Variants in PDE8B observed in about 807,000 individuals in gnomAD.
PDE8B encodes high affinity cAMP-specific and IBMX-insensitive 3',5'-cyclic phosphodiesterase 8B.
Under a neutral mutation model 101.3 loss-of-function variants are expected in PDE8B, and 26 were observed. That is an observed-to-expected ratio of 0.26 (90% CI 0.19 to 0.36). PDE8B has a LOEUF of 0.36. PDE8B is among the 10% of genes least tolerant of loss of function. PDE8B has a pLI of 1.00. For missense variants in PDE8B, 810 were observed against 1,163.1 expected, an observed-to-expected ratio of 0.70 and a Z score of 4.42; for synonymous variants, 424 against 429.3, an observed-to-expected ratio of 0.99 and a Z score of 0.15.
chr5:77,140,397 G>T, the PDE8B span: 1 of 152,088 alleles, frequency 6.6e-6, no homozygotes, highest in African/African-American at 2.4e-5. Context: ...GCCTGCAAGG[G>T]TGTTAAAATC....
rs184104350 is a variant in PDE8B at position 77,325,370 on chromosome 5, A to G, written c.400-169A>G. The stretch of plus-strand genomic sequence containing the variant: ...TTTTTTGTAGAGGCAGAGTTTTGCC[A>G]TGTTGCCCTGGCTGGTCTTGAACAC... On this transcript the variant is annotated intron_variant, in intron 2 of 21. Transcript: ENST00000264917. Among the ~76,000 whole-genome samples, 355 of 152,186 alleles carry G rather than the reference A, an allele frequency of 2.3e-3. 4 individuals are homozygous for G. Among genetic ancestry groups the G allele is most frequent in the Middle Eastern group, 0.014 (4 of 294 alleles).
intron 10 of PDE8B, among the ~76,000 whole-genome samples, chr5:77,393,194 G>A (rs1403364542): frequency 2.6e-5 from 4 of 152,136 alleles, no homozygotes; most frequent in Non-Finnish European, 5.9e-5. Flanking sequence ...AGGAGTTGGA[G>A]ACTAGCTTGG....
chr5:77,216,943 A>G (rs1250650160), intron 1 of PDE8B, among the ~76,000 whole-genome samples: 2 of 152,204 alleles, frequency 1.3e-5, no homozygotes, highest in Admixed American at 1.3e-4. Flanking sequence ...GTTCAGTGTC[A>G]CTGGAGCTAC....
chr5:77,388,504 G>A (rs1462678056), intron 10 of PDE8B, among the ~76,000 whole-genome samples: 2 of 152,328 alleles, frequency 1.3e-5, no homozygotes, highest in East Asian at 1.9e-4. Context: ...TGAGGTGTCT[G>A]TCGGCCCCTA....
intron 1 of PDE8B, among the ~76,000 whole-genome samples, chr5:77,266,026 T>C (rs1761642647): frequency 6.6e-6 from 1 of 152,216 alleles, no homozygotes; most frequent in African/African-American, 2.4e-5. Context: ...AAAGGGGTGC[T>C]CACCCTAGCA....
At chr5:77,137,867 T>A in the PDE8B span, among the ~76,000 whole-genome samples, 1 of 151,960 alleles carries the variant, frequency 6.6e-6, no homozygotes, top group African/African-American at 2.4e-5. Context: ...GACTTCAAAG[T>A]CTGAGAAAGG....
At chr5:77,404,527 TTTAAC>T (rs1308758990) in intron 11 of PDE8B, among the ~76,000 whole-genome samples, 188 bp from the exon 12 acceptor site, 1 of 152,240 alleles carries the variant, frequency 6.6e-6, no homozygotes, top group Non-Finnish European at 1.5e-5. Context: ...AAAACCATCA[TTTAAC>T]TAATATGACT....
At chr5:77,134,838 C>T in the PDE8B span, among the ~76,000 whole-genome samples, 1 of 152,202 alleles carries the variant, frequency 6.6e-6, no homozygotes, top group African/African-American at 2.4e-5. Flanking sequence ...TATAGTTCCT[C>T]CCATTAACTT....
chr5:77,307,631 G>A (rs1011458038), intron 1 of PDE8B, among the ~76,000 whole-genome samples: 2 of 151,928 alleles, frequency 1.3e-5, no homozygotes, highest in Non-Finnish European at 2.9e-5. Flanking sequence ...GTGGATTGGT[G>A]ACCCTGCTTC....
At chr5:77,147,196 C>T in the PDE8B span, 1 of 318,364 alleles carries the variant, frequency 3.1e-6, no homozygotes, top group East Asian at 7.8e-5. Flanking sequence ...TTTTTCTTGT[C>T]TAGAAAGCAT....
the PDE8B span, chr5:77,114,671 G>T: frequency 6.6e-6 from 1 of 152,070 alleles, no homozygotes; most frequent in African/African-American, 2.4e-5. Flanking sequence ...TAAAAAAAAA[G>T]ATTTAAACAT....
At chr5:77,186,340 A>G in the PDE8B span, among the ~76,000 whole-genome samples, 1 of 152,244 alleles carries the variant, frequency 6.6e-6, no homozygotes, top group Admixed American at 6.5e-5. Flanking sequence ...CCCCTTAAAT[A>G]GCCCCTTAAA....
intron 1 of PDE8B, among the ~76,000 whole-genome samples, chr5:77,262,203 CA>C (rs1760756927): frequency 6.6e-6 from 1 of 150,384 alleles, no homozygotes; most frequent in Non-Finnish European, 1.5e-5. Flanking sequence ...AAAAAAAAAA[CA>C]GGGCAAAAAG....
At chr5:77,291,093 A>G in intron 1 of PDE8B, 2 of 1,610,866 alleles carry the variant, frequency 1.2e-6, no homozygotes, top group Admixed American at 3.3e-5. Context: ...CAGTACCATT[A>G]TTGCCTTTGA....
At chr5:77,133,703 C>T in the PDE8B span, among the ~76,000 whole-genome samples, 2 of 152,058 alleles carry the variant, frequency 1.3e-5, no homozygotes, top group Non-Finnish European at 2.9e-5. Flanking sequence ...TGGATTTGTG[C>T]TGAGAAGTCT....
chr5:77,368,647 C>T (rs1272095872), intron 10 of PDE8B, among the ~76,000 whole-genome samples: 1 of 152,156 alleles, frequency 6.6e-6, no homozygotes, highest in Non-Finnish European at 1.5e-5. Flanking sequence ...CTCTTCTTTC[C>T]CCAAGGGCCT....
chr5:77,330,424 T>G (rs944303635), intron 4 of PDE8B, among the ~76,000 whole-genome samples: 3 of 152,220 alleles, frequency 2.0e-5, no homozygotes, highest in Non-Finnish European at 4.4e-5. Flanking sequence ...GAGAGAGTAG[T>G]AATAAAATGA....
chr5:77,103,908 T>C, the PDE8B span, among the ~76,000 whole-genome samples: 1 of 152,232 alleles, frequency 6.6e-6, no homozygotes, highest in South Asian at 2.1e-4. Flanking sequence ...AGGTAATGCA[T>C]GGAAAGCTTC....
chr5:77,245,266 A>G (rs1336387229), intron 1 of PDE8B, among the ~76,000 whole-genome samples: 2 of 152,256 alleles, frequency 1.3e-5, no homozygotes, highest in Non-Finnish European at 2.9e-5. Flanking sequence ...ATACAAGCTA[A>G]CAATGGTTTA....
Sources: gnomAD v4.1 joint callset for allele counts (sites outside exome capture counted in the v4.1 genomes callset) on GRCh38, gnomAD v4.1.1 for gene constraint, MANE v1.5 for transcripts, NCBI Gene and HGNC (gene_info 2026-07-23, HGNC 2026-07-21) for gene names.